Variants in CDC23 observed in about 807,000 individuals in gnomAD.
CDC23 encodes cell division cycle 23, also known as cell division cycle protein 23 homolog.
CDC23 carries 26 observed loss-of-function variants against 81.7 expected under a neutral mutation model. The observed-to-expected ratio is 0.32, with a 90% CI of 0.23 to 0.44. The LOEUF (loss-of-function observed/expected upper bound fraction) is 0.44. CDC23 is among the 20% of genes least tolerant of loss of function. The probability of loss-of-function intolerance (pLI) is 1.00; values close to 1 mark genes in which losing one functional copy is unlikely to be tolerated. For missense variants in CDC23, 519 were observed against 728.0 expected, an observed-to-expected ratio of 0.71 and a Z score of 3.30; for synonymous variants, 267 against 270.8, an observed-to-expected ratio of 0.99 and a Z score of 0.14.
At position 138,202,098 on chromosome 5, in the gene CDC23, G is replaced by GA; in HGVS notation, c.415+14dup. ...CTGCTTTTTAGGTCAAAAGGTAAAA[G>GA]AAAAAAATTCGTACCTAAGCTATCA... On this transcript the variant is annotated intron_variant, in intron 4 of 15. Transcript: ENST00000394886. The GA allele has an allele frequency of 6.2e-7, 1 of 1,603,840 alleles. No homozygotes were observed. Among genetic ancestry groups the GA allele is most frequent in the Admixed American group, 1.7e-5 (1 of 58,504 alleles).
intron 2 of CDC23, among the ~76,000 whole-genome samples, chr5:138,210,942 GAACT>G: frequency 6.6e-6 from 1 of 152,246 alleles, no homozygotes; most frequent in East Asian, 1.9e-4. Flanking sequence ...TTCAGCCTCT[GAACT>G]AACAGAGTTC....
chr5:138,203,996 A>C (rs1755019727), intron 3 of CDC23, among the ~76,000 whole-genome samples: 1 of 152,204 alleles, frequency 6.6e-6, no homozygotes, highest in Non-Finnish European at 1.5e-5. Flanking sequence ...AAATTTACTA[A>C]AGTTGATAAC....
In CDC23 at chr5:138,191,169, G is replaced by A. The variant is rs149075504; in HGVS notation, c.1424+305C>T. Among the ~76,000 whole-genome samples, 344 of 152,152 alleles carry A rather than the reference G, an allele frequency of 2.3e-3. 2 individuals are homozygous for A. The highest frequency in any genetic ancestry group is 7.3e-3 in the African/African-American group (303 of 41,506). On this transcript the variant is annotated intron_variant, in intron 13 of 15. Coordinates refer to ENST00000394886, the MANE Select transcript of CDC23 (RefSeq NM_004661.4). ...TTGCTCTTGTTGCCCAGGCTGGAGT[G>A]CAATGGCGCGATCTCGGCTCACTGC...
At chr5:138,196,608 TCTCA>T (rs1754910353) in intron 9 of CDC23, among the ~76,000 whole-genome samples, 1 of 140,298 alleles carries the variant, frequency 7.1e-6, no homozygotes, top group South Asian at 2.2e-4. Context: ...TGAGATGGAG[TCTCA>T]CTCCGTCGCC....
In CDC23 at chr5:138,192,374, A is replaced by T. The variant is rs535628482; in HGVS notation, c.1181T>A (p.Val394Asp). 1 of 1,614,162 alleles carries T rather than the reference A, an allele frequency of 6.2e-7. No individual in the cohort carries two copies. Among genetic ancestry groups the T allele is most frequent in the African/African-American group, 1.3e-5 (1 of 75,028 alleles). The change falls in exon 11 of 16, where the codon GTC becomes GAC. Residue 394 changes from valine to aspartate, a missense_variant. This residue lies in a region of CDC23 where 175 missense variants were observed against 337.8 expected (regional missense o/e 0.52). Coordinates refer to ENST00000394886, the MANE Select transcript of CDC23 (RefSeq NM_004661.4). ...AIQAYRHAIE[V>D]NKRDYRAWYG... The stretch of plus-strand genomic sequence containing the variant: ...CCAAGCTCTGTAGTCCCGTTTGTTG[A>T]CCTCAATGGCATGTCTAAGAAATGG...
At chr5:138,202,196 T>C (rs2126586456) in intron 3 of CDC23, 41 bp from the exon 4 acceptor site, 1 of 1,497,308 alleles carries the variant, frequency 6.7e-7, no homozygotes, top group Non-Finnish European at 9.2e-7. Flanking sequence ...TTTCAGTTTA[T>C]TCTAAAACAT....
At chr5:138,202,754 T>G (rs1755003170) in intron 3 of CDC23, among the ~76,000 whole-genome samples, 1 of 152,156 alleles carries the variant, frequency 6.6e-6, no homozygotes, top group African/African-American at 2.4e-5. Context: ...AGGCTCTTTC[T>G]TAAAGTAGAA....
intron 6 of CDC23, among the ~76,000 whole-genome samples, 187 bp from the exon 7 acceptor site, chr5:138,198,969 A>C (rs1002882722): frequency 2.0e-5 from 3 of 152,240 alleles, no homozygotes; most frequent in Admixed American, 6.5e-5. Context: ...GGAACAGCCT[A>C]GTTGGGAAAG....
At chr5:138,198,089 A>T (rs1218107480) in intron 9 of CDC23, 110 bp downstream of exon 9, 4 of 778,412 alleles carry the variant, frequency 5.1e-6, no homozygotes, top group Non-Finnish European at 8.4e-6. Context: ...TCTCCTGAGT[A>T]GAGGAAACTA....
intron 2 of CDC23, among the ~76,000 whole-genome samples, chr5:138,212,115 C>A (rs1755119526): frequency 6.6e-6 from 1 of 152,106 alleles, no homozygotes; most frequent in Non-Finnish European, 1.5e-5. Flanking sequence ...TCTAAGCGGT[C>A]TATATTATTA....
intron 9 of CDC23, 73 bp downstream of exon 9, chr5:138,198,111 CACCATCCCTAGCTAA>C: frequency 9.7e-7 from 1 of 1,030,716 alleles, no homozygotes; most frequent in African/African-American, 1.6e-5. Flanking sequence ...AGGCACGCAC[CACCATCCCTAGCTAA>C]TTGTGGTTAT....
rs1455531714 is a variant in CDC23 at position 138,187,660 on chromosome 5, C to T, written c.*1318G>A. 8 of 335,820 alleles carry T rather than the reference C, an allele frequency of 2.4e-5. No homozygotes were observed. The East Asian group carries it at 3.2e-4, about 14-fold the overall frequency. 20.8% of individuals were successfully genotyped at this position (335,820 alleles called of 1,614,324 possible). ...GTTATATTAAAGATATTATTGTTCA[C>T]ATTTTTTATTGAATTCCAAATGTAG... On this transcript the variant is annotated 3_prime_UTR_variant, in exon 16 of 16. Transcript: ENST00000394886.
intron 9 of CDC23, among the ~76,000 whole-genome samples, chr5:138,195,668 T>TATACGCATATATACATATAA (rs1754885881): frequency 9.4e-6 from 1 of 106,048 alleles, no homozygotes; most frequent in Non-Finnish European, 1.9e-5. Flanking sequence ...TACATATATT[T>TATACGCATATATACATATAA]TATATATGCA....
At position 138,194,718 on chromosome 5, in the gene CDC23, C is replaced by CTT. The variant is rs926814787; in HGVS notation, c.1013-2063_1013-2062dup. Among the ~76,000 whole-genome samples the CTT allele has an allele frequency of 9.7e-4, 115 of 118,744 alleles. 1 individual carries two copies. Among genetic ancestry groups the CTT allele is most frequent in the East Asian group, 2.7e-3 (11 of 4,040 alleles). 77.9% of individuals were successfully genotyped at this position (118,744 alleles called of 152,430 possible). ...ATAAAACTATGTGTTTTTTTGGTGTCTTTTTTTTTTTTTTTTTTTTGAGAC... is the reference window on the plus strand; with the variant it reads ...ATAAAACTATGTGTTTTTTTGGTGTCTTTTTTTTTTTTTTTTTTTTTTGAGAC... On this transcript the variant is annotated intron_variant, in intron 9 of 15. Transcript: ENST00000394886.
chr5:138,195,581 AT>A lies in CDC23; in HGVS notation c.1012+2617del, dbSNP rs1159373734. Among the ~76,000 whole-genome samples, 31 of 68,510 alleles carry A rather than the reference AT, an allele frequency of 4.5e-4. No individual in the cohort carries two copies. The East Asian group carries it at 9.7e-3, about 22-fold the overall frequency. 44.9% of individuals were successfully genotyped at this position (68,510 alleles called of 152,430 possible). On this transcript the variant is annotated intron_variant, in intron 9 of 15. Coordinates refer to ENST00000394886, the MANE Select transcript of CDC23 (RefSeq NM_004661.4). ...TATATAATATATTTATATATAATAT[AT>A]TATATATAATATATATTATATATGA...
chr5:138,210,795 T>C (rs573021063), intron 2 of CDC23, among the ~76,000 whole-genome samples: 2 of 152,348 alleles, frequency 1.3e-5, no homozygotes, highest in South Asian at 4.1e-4. Context: ...AATCCCTGTA[T>C]ATAATACAAA....
At position 138,187,909 on chromosome 5, in the gene CDC23, A is replaced by G. The variant is rs1754773406; in HGVS notation, c.*1069T>C. ...TGTTAGGAGGTAAAAACGTAACACA[A>G]AATTCTGGGAATAAGAATAAAGTCT... On this transcript the variant is annotated 3_prime_UTR_variant, in exon 16 of 16. Transcript: ENST00000394886. The G allele has an allele frequency of 6.3e-6, 1 of 159,138 alleles. No homozygotes were observed. Among genetic ancestry groups the G allele is most frequent in the Non-Finnish European group, 1.4e-5 (1 of 71,802 alleles). 9.9% of individuals were successfully genotyped at this position (159,138 alleles called of 1,614,324 possible).
chr5:138,198,299 A>G lies in CDC23; in HGVS notation c.931-19T>C, dbSNP rs1754942053. 1 of 1,607,046 alleles carries G rather than the reference A, an allele frequency of 6.2e-7. No individual in the cohort carries two copies. The highest frequency in any genetic ancestry group is 1.3e-5 in the African/African-American group (1 of 74,758). On this transcript the variant is annotated intron_variant, in intron 8 of 15. Transcript: ENST00000394886. ...TCATGCTCTGGGATAAAAGAAAAAGACAATATAAGCATGAAAAAAGAACTC... is the reference window on the plus strand; with the variant it reads ...TCATGCTCTGGGATAAAAGAAAAAGGCAATATAAGCATGAAAAAAGAACTC...
At chr5:138,212,153 T>C (rs561879163) in intron 2 of CDC23, among the ~76,000 whole-genome samples, 21 of 152,204 alleles carry the variant, frequency 1.4e-4, no homozygotes, top group Non-Finnish European at 2.1e-4. Context: ...AATATCCCCA[T>C]TGAGTAGATA....
Sources: gnomAD v4.1 joint callset for allele counts (sites outside exome capture counted in the v4.1 genomes callset) on GRCh38, gnomAD v4.1.1 for gene constraint, gnomAD v4.1.1 regional missense constraint, MANE v1.5 for transcripts, NCBI Gene and HGNC (gene_info 2026-07-23, HGNC 2026-07-21) for gene names.